Variants in SETD7 observed in about 807,000 individuals in gnomAD.
The protein encoded by SETD7 is SET domain containing 7, histone lysine methyltransferase, also known as histone-lysine N-methyltransferase SETD7.
In SETD7, 16 loss-of-function variants were observed where a neutral mutation model predicts 41.8. The observed-to-expected ratio is 0.38, with a 90% CI of 0.26 to 0.58. The LOEUF is 0.58. Among genes scored for constraint, SETD7 ranks in the 20% least tolerant of loss-of-function variants. The pLI is 0.64. For synonymous variants in SETD7, 163 were observed against 169.7 expected (o/e 0.96, Z 0.31); for missense variants, 346 against 459.7 (o/e 0.75, Z 2.26).
At chr4:139,537,640 T>C (rs184234161) in intron 2 of SETD7, among the ~76,000 whole-genome samples, 7 of 152,212 alleles carry the variant, frequency 4.6e-5, no homozygotes, top group Non-Finnish European at 8.8e-5. Context: ...GGGAACAAAT[T>C]AGGAAATATG....
In SETD7 at chr4:139,556,123, G is replaced by T; in HGVS notation, c.15C>A (p.Asp5Glu). Residue 5 changes from aspartate to glutamate, a missense_variant, in exon 1 of 8, where the codon GAC becomes GAA. Asp to Glu is a conservative substitution (Grantham distance 45). This residue lies in a region of SETD7 where 266 missense variants were observed against 377.0 expected (regional missense o/e 0.71). Transcript: ENST00000274031. MDSD[D>E]EMVEEAVEGH... ...CTTCCACCGCCTCCTCCACCATCTCGTCGTCGCTATCCATGGCGGCTGGGG... is the reference window on the plus strand; with the variant it reads ...CTTCCACCGCCTCCTCCACCATCTCTTCGTCGCTATCCATGGCGGCTGGGG... 2 of 1,602,118 alleles carry T rather than the reference G, an allele frequency of 1.2e-6. No individual in the cohort carries two copies. Among genetic ancestry groups the T allele is most frequent in the Non-Finnish European group, 1.7e-6 (2 of 1,174,910 alleles).
intron 1 of SETD7, among the ~76,000 whole-genome samples, chr4:139,554,918 C>G (rs1365444062): frequency 1.3e-5 from 2 of 151,962 alleles, no homozygotes; most frequent in African/African-American, 2.4e-5. Flanking sequence ...TTTTCTTTAT[C>G]CTTCGTCAGA....
intron 2 of SETD7, among the ~76,000 whole-genome samples, chr4:139,533,947 T>G (rs1727562946): frequency 6.6e-6 from 1 of 151,998 alleles, no homozygotes. Flanking sequence ...GGGGATTTAT[T>G]TAAGTATATC....
At chr4:139,537,667 C>T (rs78625775) in intron 2 of SETD7, among the ~76,000 whole-genome samples, 2 of 152,148 alleles carry the variant, frequency 1.3e-5, no homozygotes, top group African/African-American at 4.8e-5. Context: ...CGTATCCCCC[C>T]AACATATAAA....
intron 2 of SETD7, among the ~76,000 whole-genome samples, chr4:139,534,635 C>T (rs1277869210): frequency 6.6e-6 from 1 of 152,122 alleles, no homozygotes; most frequent in Non-Finnish European, 1.5e-5. Flanking sequence ...AGGGATCCAC[C>T]CAACTCGGCC....
chr4:139,542,627 T>C (rs890653306), intron 2 of SETD7, among the ~76,000 whole-genome samples: 7 of 151,048 alleles, frequency 4.6e-5, no homozygotes, highest in African/African-American at 9.7e-5. Context: ...ATTACTTCTA[T>C]GGCATGGGTT....
At position 139,529,212 on chromosome 4, in the gene SETD7, T is replaced by C. The variant is rs1295382854; in HGVS notation, c.381A>G (p.Gly127=). 6.2e-7 allele frequency: 1 copy of C among 1,610,796 alleles called. No homozygotes were observed. Among genetic ancestry groups the C allele is most frequent in the African/African-American group, 1.3e-5 (1 of 74,536 alleles). The change falls in exon 4 of 8, where the codon GGA becomes GGG. Residue 127 remains glycine (G), a synonymous_variant. Transcript: ENST00000274031. ...CTTCATTTACTTCTCCTACAAGGCT[T>C]CCTCCATCCTGATGGGAGAAACCAA... is the stretch of plus-strand genomic sequence containing the variant. ...GVCWIYYPDG[G]SLVGEVNEDG... is the part of the protein sequence containing the mutation.
intron 7 of SETD7, among the ~76,000 whole-genome samples, chr4:139,499,817 T>C (rs1726534039): frequency 6.6e-6 from 1 of 152,178 alleles, no homozygotes; most frequent in Non-Finnish European, 1.5e-5. Context: ...TTCAGGGCAG[T>C]GGGCAAGAAG....
chr4:139,497,387 G>A (rs1464269049), intron 7 of SETD7, among the ~76,000 whole-genome samples: 3 of 151,706 alleles, frequency 2.0e-5, no homozygotes, highest in East Asian at 3.9e-4. Context: ...CACGGGAGGC[G>A]GAGGTTGCAG....
At chr4:139,543,416 A>G (rs1727833685) in intron 2 of SETD7, among the ~76,000 whole-genome samples, 3 of 152,202 alleles carry the variant, frequency 2.0e-5, no homozygotes, top group African/African-American at 7.2e-5. Context: ...TCCTTTTAGC[A>G]GATGTCTCGT....
Position 139,497,247 on chromosome 4 carries a change from G to C in SETD7, c.921-726C>G, listed in dbSNP as rs764108882. On this transcript the variant is annotated intron_variant, in intron 7 of 7. Transcript: ENST00000506866. Reference sequence around the variant, plus strand: ...AGGTGGGCGAATCACCCAAGGTTGGGAGTTCCAGACCAGCCTGACTAACAT... The same window carrying C: ...AGGTGGGCGAATCACCCAAGGTTGGCAGTTCCAGACCAGCCTGACTAACAT... Among the ~76,000 whole-genome samples the C allele has an allele frequency of 1.5e-3, 234 of 152,220 alleles. 2 individuals carry two copies. Among genetic ancestry groups the C allele is most frequent in the Non-Finnish European group, 1.8e-3 (123 of 68,014 alleles).
intron 7 of SETD7, chr4:139,496,644 A>C: frequency 1.6e-6 from 1 of 610,092 alleles, no homozygotes; most frequent in Non-Finnish European, 2.9e-6. Context: ...ATTTTTCTAA[A>C]TCTTCTCCAT....
Position 139,518,055 on chromosome 4 carries a change from A to G in SETD7, c.763-13T>C. 6.2e-7 allele frequency: 1 copy of G among 1,610,628 alleles called. No individual in the cohort carries two copies. On this transcript the variant is annotated splice_polypyrimidine_tract_variant and intron_variant, in intron 6 of 7. Transcript: ENST00000274031. ...CCCTGCTGTCAACCTGCAGAAAACA[A>G]GAAAGCGAGCCTTAGAGAGGACCTT...
chr4:139,496,250 A>G, exon 8 of SETD7: 1 of 567,202 alleles, frequency 1.8e-6, no homozygotes, highest in Admixed American at 3.1e-5. Flanking sequence ...TCAGATCTTA[A>G]AATGGCTCCC....
At chr4:139,518,130 T>C (rs1727081105) in intron 6 of SETD7, 88 bp from the exon 7 acceptor site, 1 of 1,383,468 alleles carries the variant, frequency 7.2e-7, no homozygotes, top group African/African-American at 1.5e-5. Context: ...TTTATCTTAT[T>C]ATTATTTTTG....
chr4:139,537,264 C>T (rs187001261), intron 2 of SETD7, among the ~76,000 whole-genome samples: 35 of 152,272 alleles, frequency 2.3e-4, no homozygotes, highest in Admixed American at 2.6e-4. Context: ...TGTGAGCCAC[C>T]GCGCCTGGCT....
chr4:139,549,101 T>C (rs1728040896), intron 1 of SETD7, among the ~76,000 whole-genome samples: 3 of 152,224 alleles, frequency 2.0e-5, no homozygotes, highest in East Asian at 1.9e-4. Flanking sequence ...AATTTAGGCA[T>C]ATAAATTCAG....
intron 7 of SETD7, among the ~76,000 whole-genome samples, chr4:139,514,405 C>T (rs547874237): frequency 3.9e-5 from 6 of 152,218 alleles, no homozygotes; most frequent in Admixed American, 3.3e-4. Context: ...AATTTCCAGG[C>T]CTAGAGCTTC....
chr4:139,514,380 A>G (rs982205579), intron 7 of SETD7, among the ~76,000 whole-genome samples: 4 of 152,196 alleles, frequency 2.6e-5, no homozygotes, highest in African/African-American at 9.6e-5. Flanking sequence ...AAACCAAAAA[A>G]CAGACCCTGT....
Sources: allele counts gnomAD v4.1 joint callset (sites outside exome capture counted in the v4.1 genomes callset), GRCh38; gene constraint gnomAD v4.1.1; regional missense constraint gnomAD v4.1.1; transcripts MANE v1.5; gene names NCBI Gene and HGNC (gene_info 2026-07-23, HGNC 2026-07-21).